Variants in KCNT1 observed in about 807,000 individuals in gnomAD.
The protein encoded by KCNT1 is potassium channel subfamily T member 1.
A neutral mutation model predicts 147.8 loss-of-function variants in KCNT1; 78 were observed. The observed-to-expected ratio is 0.53, with a 90% CI of 0.44 to 0.64. The LOEUF is 0.64. KCNT1 is among the 30% of genes least tolerant of loss of function. The pLI is 0.00. For synonymous variants in KCNT1, 867 were observed against 748.8 expected, an observed-to-expected ratio of 1.16 and a Z score of -2.58; for missense variants, 1,419 against 1,750.3, an observed-to-expected ratio of 0.81 and a Z score of 3.38.
chr9:135,709,433 A>G (rs1835390425), intron 1 of KCNT1, among the ~76,000 whole-genome samples: 1 of 152,116 alleles, frequency 6.6e-6, no homozygotes. Context: ...CAGATCAAAA[A>G]TGTCCCCAGG....
At chr9:135,743,898 G>A (rs895189408) in intron 2 of KCNT1, among the ~76,000 whole-genome samples, 2 of 152,248 alleles carry the variant, frequency 1.3e-5, no homozygotes, top group African/African-American at 4.8e-5. Context: ...TGCCCTTTCT[G>A]GGCCCTTGGG....
Position 135,775,231 on chromosome 9 carries a change from C to T in KCNT1, c.2244-79C>T, listed in dbSNP as rs1833077944. On this transcript the variant is annotated intron_variant, in intron 19 of 30. Transcript: ENST00000371757. Reference sequence around the variant, plus strand: ...TGGGTGGAGTGGGTGCCCTCGAGTCCCCCAGCCCGAGGGGGGCCCCAGAGC... The same window carrying T: ...TGGGTGGAGTGGGTGCCCTCGAGTCTCCCAGCCCGAGGGGGGCCCCAGAGC... The T allele has an allele frequency of 7.5e-6, 8 of 1,069,822 alleles. No homozygotes were observed. In the East Asian group the frequency reaches 2.2e-4, roughly 29 times the overall value. The allele number at this position is 1,069,822 out of a possible 1,614,324, so 66.3% of individuals were successfully genotyped here.
intron 2 of KCNT1, among the ~76,000 whole-genome samples, chr9:135,729,176 G>C (rs910188255): frequency 6.6e-6 from 1 of 152,242 alleles, no homozygotes; most frequent in South Asian, 2.1e-4. Context: ...GCGATTATCC[G>C]AGTGGGCTGC....
At chr9:135,780,521 C>T (rs1332494054) in intron 24 of KCNT1, among the ~76,000 whole-genome samples, 2 of 152,238 alleles carry the variant, frequency 1.3e-5, no homozygotes, top group Non-Finnish European at 2.9e-5. Context: ...ATCCTGGAGT[C>T]AGTTCTGCCC....
chr9:135,770,752 C>A, intron 17 of KCNT1, 105 bp from the exon 18 acceptor site: 3 of 1,132,676 alleles, frequency 2.6e-6, no homozygotes, highest in Non-Finnish European at 2.5e-6. Context: ...AGGAGGAAGA[C>A]GCGGAGCTCC....
chr9:135,722,036 C>G (rs926929923), intron 2 of KCNT1, among the ~76,000 whole-genome samples: 4 of 152,180 alleles, frequency 2.6e-5, no homozygotes, highest in African/African-American at 9.7e-5. Flanking sequence ...GCAGGATCAA[C>G]AGGAGGGCCA....
intron 2 of KCNT1, among the ~76,000 whole-genome samples, chr9:135,731,591 C>T (rs1487846864): frequency 3.9e-5 from 6 of 152,114 alleles, no homozygotes; most frequent in African/African-American, 1.4e-4. Flanking sequence ...GCATTTGTGC[C>T]GCGTTCTCTC....
At position 135,752,530 on chromosome 9, in the gene KCNT1, T is replaced by C. The variant is rs1362235057; in HGVS notation, c.435-1407T>C. The C allele has an allele frequency of 9.1e-6, 4 of 439,988 alleles. No homozygotes were observed. Among genetic ancestry groups the C allele is most frequent in the Non-Finnish European group, 1.8e-5 (4 of 220,168 alleles). 27.3% of individuals were successfully genotyped at this position (439,988 alleles called of 1,614,324 possible). A position where few individuals can be genotyped will look rare whatever the true frequency, so the allele number is the denominator to read the frequency against. Reference sequence around the variant, plus strand: ...ACATCCCCACAGGGCCCAAGTCTGTTGTGTTCACTGCCCGTCCCCTAGCAC... The same window carrying C: ...ACATCCCCACAGGGCCCAAGTCTGTCGTGTTCACTGCCCGTCCCCTAGCAC... On this transcript the variant is annotated intron_variant, in intron 4 of 30. Transcript: ENST00000371757. The surrounding 1 kb of genome is among the most constrained non-coding windows in gnomAD (Gnocchi z 5.1).
chr9:135,783,670 G>A lies in KCNT1; in HGVS notation c.2842-354G>A, dbSNP rs118050069. Among the ~76,000 whole-genome samples the A allele has an allele frequency of 5.7e-3, 873 of 152,356 alleles. 3 individuals are homozygous for A. The highest frequency in any genetic ancestry group is 0.011 in the Admixed American group (163 of 15,308). On this transcript the variant is annotated intron_variant, in intron 24 of 30. Transcript: ENST00000371757. ...CACCACTTACAAAACACCGGGGGAG[G>A]AGAGGATTATCAGGAGGATTTGGAA...
chr9:135,792,200 TC>T lies in KCNT1; in HGVS notation c.*41del, dbSNP rs762675032. 1 of 1,586,224 alleles carries T rather than the reference TC, an allele frequency of 6.3e-7. No homozygotes were observed. The highest frequency in any genetic ancestry group is 1.7e-5 in the Admixed American group (1 of 58,768). ...GGAGCTCAGGCCACCAAGCCCGGGG[TC>T]CTCAGGAAGGACGTGGAGGAGCGTG... is the stretch of plus-strand genomic sequence containing the variant. On this transcript the variant is annotated 3_prime_UTR_variant, in exon 31 of 31. Transcript: ENST00000371757.
At chr9:135,738,659 G>A (rs1830438682) in intron 2 of KCNT1, among the ~76,000 whole-genome samples, 1 of 152,160 alleles carries the variant, frequency 6.6e-6, no homozygotes, top group Non-Finnish European at 1.5e-5. Context: ...CTGCCCACCA[G>A]GGACTGAGCC....
chr9:135,731,019 G>C (rs1436023744), intron 2 of KCNT1, among the ~76,000 whole-genome samples: 1 of 133,810 alleles, frequency 7.5e-6, no homozygotes, highest in Non-Finnish European at 1.6e-5. Flanking sequence ...AAAAAGTGTG[G>C]TTTAGCAATT....
chr9:135,771,063 G>A lies in KCNT1; in HGVS notation c.1976G>A (p.Arg659His), dbSNP rs754634573. 25 of 1,611,406 alleles carry A rather than the reference G, an allele frequency of 1.6e-5. No individual in the cohort carries two copies. The highest frequency in any genetic ancestry group is 1.6e-4 in the Middle Eastern group (1 of 6,076). Residue 659 changes from arginine (R) to histidine (H), a missense_variant, in exon 18 of 31, where the codon CGC becomes CAC. Physicochemically the swap from Arg to His is conservative, Grantham distance 29. Coordinates refer to ENST00000371757, the MANE Select transcript of KCNT1 (RefSeq NM_020822.3). ...SGQGLHEGPA[R>H]LPVHSIIASM... Reference sequence around the variant, plus strand: ...CAGGGGCTGCACGAGGGTCCGGCCCGCCTGCCCGTGCACAGCATCATCGCC... The same window carrying A: ...CAGGGGCTGCACGAGGGTCCGGCCCACCTGCCCGTGCACAGCATCATCGCC...
At chr9:135,748,033 C>G (rs1311284966) in intron 2 of KCNT1, among the ~76,000 whole-genome samples, 1 of 152,206 alleles carries the variant, frequency 6.6e-6, no homozygotes, top group East Asian at 1.9e-4. Context: ...CCTCAAACTC[C>G]TAAGTTCAAA....
At chr9:135,724,321 C>A (rs1465524100) in intron 2 of KCNT1, among the ~76,000 whole-genome samples, 1 of 152,242 alleles carries the variant, frequency 6.6e-6, no homozygotes, top group Non-Finnish European at 1.5e-5. Context: ...AGACAGCGGG[C>A]CCCGCGTGCA....
chr9:135,736,759 G>T, intron 2 of KCNT1: 1 of 378,598 alleles, frequency 2.6e-6, no homozygotes, highest in Non-Finnish European at 4.7e-6. Context: ...CCGCGGCGGG[G>T]GCTCCGTGGG....
chr9:135,709,539 AC>A (rs138861738), intron 1 of KCNT1, among the ~76,000 whole-genome samples: 5,502 of 152,072 alleles, frequency 0.036, 216 homozygotes, highest in East Asian at 0.14. Flanking sequence ...GGCTTGCAGA[AC>A]CCCCCGTTCT....
rs757995472 is a variant in KCNT1 at position 135,753,959 on chromosome 9, T to C, written c.457T>C (p.Tyr153His). The C allele has an allele frequency of 5.0e-6, 8 of 1,614,108 alleles. No individual in the cohort carries two copies. The highest frequency in any genetic ancestry group is 6.8e-6 in the Non-Finnish European group (8 of 1,179,986). ...CAGCTGGGGCTGCCCAAAGCAGAAC[T>C]ACTCCTTCAATGACTCGTCCTCCGA... ...IGCWGCPKQNYSFNDSSSEIN... is the reference protein window; with the variant it reads ...IGCWGCPKQNHSFNDSSSEIN... Residue 153 changes from tyrosine (Y) to histidine (H), a missense_variant, in exon 5 of 31, where the codon TAC becomes CAC. Physicochemically the swap from Tyr to His is moderately conservative, Grantham distance 83. Coordinates refer to ENST00000371757, the MANE Select transcript of KCNT1 (RefSeq NM_020822.3).
chr9:135,722,577 C>T (rs952356514), intron 2 of KCNT1, among the ~76,000 whole-genome samples: 8 of 152,224 alleles, frequency 5.3e-5, no homozygotes, highest in African/African-American at 1.7e-4. Context: ...GTCTTCCCAG[C>T]TGCTATGGAA....
Sources: gnomAD v4.1 joint callset for allele counts (sites outside exome capture counted in the v4.1 genomes callset) on GRCh38, gnomAD v4.1.1 for gene constraint, Gnocchi (gnomAD v3.1) non-coding constraint, MANE v1.5 for transcripts, NCBI Gene and HGNC (gene_info 2026-07-23, HGNC 2026-07-21) for gene names.